Variants in COL27A1 observed in about 807,000 individuals in gnomAD.
COL27A1 encodes the protein collagen type XXVII alpha 1 chain.
Under a neutral mutation model 251.3 loss-of-function variants are expected in COL27A1, and 106 were observed. The ratio of observed to expected loss-of-function variants is 0.42; its 90% CI spans 0.36 to 0.50. COL27A1 has a LOEUF of 0.50. Among genes scored for constraint, COL27A1 ranks in the 20% least tolerant of loss-of-function variants. The probability of loss-of-function intolerance (pLI) is 0.00; values close to 1 mark genes in which losing one functional copy is unlikely to be tolerated. For synonymous variants in COL27A1, 1,000 were observed against 986.3 expected, an observed-to-expected ratio of 1.01 and a Z score of -0.26; for missense variants, 2,325 against 2,522.8, an observed-to-expected ratio of 0.92 and a Z score of 1.68.
intron 36 of COL27A1, among the ~76,000 whole-genome samples, chr9:114,274,535 G>T (rs532666166): frequency 3.3e-5 from 5 of 152,298 alleles, no homozygotes; most frequent in Middle Eastern, 3.4e-3. Flanking sequence ...CTCAGACTAT[G>T]GTCCTGACAT....
chr9:114,266,815 C>T (rs975841122), intron 33 of COL27A1, among the ~76,000 whole-genome samples, 197 bp downstream of exon 33: 2 of 152,188 alleles, frequency 1.3e-5, no homozygotes, highest in Middle Eastern at 3.2e-3. Flanking sequence ...GGTTGAGGAG[C>T]TGGCTCCTAG....
intron 9 of COL27A1, 121 bp downstream of exon 9, chr9:114,205,933 C>G: frequency 1.1e-6 from 1 of 890,630 alleles, no homozygotes; most frequent in Non-Finnish European, 1.7e-6. Flanking sequence ...TGGGTGGACC[C>G]TAAGGAGGGG....
intron 32 of COL27A1, 112 bp downstream of exon 32, chr9:114,265,587 C>T (rs1834685989): frequency 9.4e-7 from 1 of 1,060,500 alleles, no homozygotes; most frequent in Non-Finnish European, 1.4e-6. Context: ...TGGCCTCTAA[C>T]CCGCTGTGGG....
At chr9:114,224,648 C>CTT (rs5900075) in intron 14 of COL27A1, among the ~76,000 whole-genome samples, 10,370 of 97,228 alleles carry the variant, frequency 0.11, 1,090 homozygotes, top group African/African-American at 0.15. Context: ...CCTCCTGGTT[C>CTT]TTTTTTTTTT....
rs561100265 is a variant in COL27A1, at chr9:114,290,289, A to G, written c.4326A>G (p.Gly1442=). 1.9e-4 allele frequency: 303 copies of G among 1,583,304 alleles called. 2 individuals are homozygous for G. In the South Asian group the frequency reaches 3.3e-3, roughly 17 times the overall value. The part of the protein sequence containing the change: ...VGRQGLEGIA[G]PDGLPGRDGQ... ...GACAGGGCCTCGAGGGCATCGCTGGACCAGATGGGCTTCCTGGCAGGGACG... is the reference window on the plus strand; with the variant it reads ...GACAGGGCCTCGAGGGCATCGCTGGGCCAGATGGGCTTCCTGGCAGGGACG... The change falls in exon 47 of 61, where the codon GGA becomes GGG. Residue 1442 remains glycine (G), a synonymous_variant. Coordinates refer to ENST00000356083, the MANE Select transcript of COL27A1 (RefSeq NM_032888.4). This position sits in a 1 kb window ranked among gnomAD's most constrained non-coding sequence, Gnocchi z 4.6.
chr9:114,176,249 G>C lies in COL27A1; in HGVS notation c.1909-2042G>C, dbSNP rs370304854. 5.9e-5 allele frequency among the ~76,000 whole-genome samples: 9 copies of C among 152,338 alleles called. No individual in the cohort carries two copies. In the East Asian group the frequency reaches 1.7e-3, roughly 29 times the overall value. ...TTTAATTCTGGGTCCACCTGGGACA[G>C]TTGGGTCAAGGAGGGCCTTCTAAGA... is the stretch of plus-strand genomic sequence containing the variant. On this transcript the variant is annotated intron_variant, in intron 3 of 60. Transcript: ENST00000356083.
At chr9:114,232,652 C>A (rs558502903) in intron 16 of COL27A1, among the ~76,000 whole-genome samples, 18 of 152,354 alleles carry the variant, frequency 1.2e-4, no homozygotes, top group South Asian at 1.0e-3. Flanking sequence ...TCAGGTGACA[C>A]CGCACCTGTC....
intron 2 of COL27A1, among the ~76,000 whole-genome samples, chr9:114,163,315 G>A (rs902200700): frequency 6.6e-6 from 1 of 151,692 alleles, no homozygotes; most frequent in Admixed American, 6.6e-5. Flanking sequence ...TGATTCTTGT[G>A]TTCCTTTCTG....
intron 59 of COL27A1, 67 bp downstream of exon 59, chr9:114,307,845 A>G (rs1564595530): frequency 3.5e-6 from 4 of 1,156,458 alleles, no homozygotes; most frequent in Non-Finnish European, 5.1e-6. Context: ...CCTGGGCCAC[A>G]ACCAACCCAG....
intron 35 of COL27A1, among the ~76,000 whole-genome samples, chr9:114,269,695 G>A (rs375774130): frequency 9.3e-5 from 14 of 150,700 alleles, no homozygotes; most frequent in African/African-American, 1.2e-4. Flanking sequence ...TGATGAGCAC[G>A]CATCCTATGC....
At chr9:114,193,022 T>C (rs564910203) in intron 5 of COL27A1, among the ~76,000 whole-genome samples, 1 of 134,280 alleles carries the variant, frequency 7.4e-6, no homozygotes, top group Admixed American at 6.9e-5. Context: ...TGTGCACGTG[T>C]ATGTGTGTGC....
At position 114,309,262 on chromosome 9, in the gene COL27A1, C is replaced by G; in HGVS notation, c.5220C>G (p.Val1740=). Residue 1740 remains valine, a splice_region_variant and synonymous_variant, in exon 60 of 61, where the codon GTC becomes GTG. Transcript: ENST00000356083. ...TCLKPITASK[V]EFAISRVQMN... is the part of the protein sequence containing the mutation. ...TCACTGCCGTTGCTTCTCTATAGGTCGAGTTTGCCATCAGCCGGGTCCAGA... is the reference window on the plus strand; with the variant it reads ...TCACTGCCGTTGCTTCTCTATAGGTGGAGTTTGCCATCAGCCGGGTCCAGA... The G allele has an allele frequency of 6.2e-7, 1 of 1,614,006 alleles. No homozygotes were observed. The highest frequency in any genetic ancestry group is 8.5e-7 in the Non-Finnish European group (1 of 1,179,966).
intron 12 of COL27A1, among the ~76,000 whole-genome samples, chr9:114,215,784 A>G (rs955626779): frequency 6.6e-6 from 1 of 152,064 alleles, no homozygotes; most frequent in African/African-American, 2.4e-5. Context: ...CTTGATATAA[A>G]CCCTAACTAG....
chr9:114,240,069 G>A (rs1198797834), intron 19 of COL27A1, 151 bp from the exon 20 acceptor site: 1 of 735,838 alleles, frequency 1.4e-6, no homozygotes, highest in African/African-American at 1.7e-5. Context: ...TTAGAACTGA[G>A]GACTGTGGGA....
chr9:114,231,971 C>G, intron 16 of COL27A1, 105 bp downstream of exon 16: 2 of 1,063,356 alleles, frequency 1.9e-6, no homozygotes, highest in Non-Finnish European at 2.9e-6. Flanking sequence ...CCCCTGCACT[C>G]TTCCTGCCTC....
chr9:114,170,222 G>T (rs1470860813), intron 3 of COL27A1, among the ~76,000 whole-genome samples: 2 of 152,186 alleles, frequency 1.3e-5, no homozygotes, highest in Non-Finnish European at 2.9e-5. Context: ...AGGAGTTTGG[G>T]GTGCAGAAGG....
At chr9:114,206,897 C>A (rs1588659791) in intron 10 of COL27A1, among the ~76,000 whole-genome samples, 1 of 152,210 alleles carries the variant, frequency 6.6e-6, no homozygotes, top group South Asian at 2.1e-4. Flanking sequence ...AGGGGGCCAC[C>A]AGGTGGGGAC....
At chr9:114,157,128 C>A (rs1848180559) in intron 1 of COL27A1, among the ~76,000 whole-genome samples, 1 of 150,496 alleles carries the variant, frequency 6.6e-6, no homozygotes, top group Non-Finnish European at 1.5e-5. Flanking sequence ...CACCAGTGAG[C>A]ACACTGCTGA....
At chr9:114,246,681 G>A (rs1465261637) in intron 24 of COL27A1, among the ~76,000 whole-genome samples, 1 of 152,178 alleles carries the variant, frequency 6.6e-6, no homozygotes, top group East Asian at 1.9e-4. Context: ...ACGAAACCCC[G>A]TCAGTGGCGT....
Sources: allele counts gnomAD v4.1 joint callset (sites outside exome capture counted in the v4.1 genomes callset), GRCh38; gene constraint gnomAD v4.1.1; non-coding constraint Gnocchi (gnomAD v3.1); transcripts MANE v1.5; gene names NCBI Gene and HGNC (gene_info 2026-07-23, HGNC 2026-07-21).